Variants in COL6A6 observed in about 807,000 individuals in gnomAD.
COL6A6 encodes the protein collagen alpha-6(VI) chain.
In COL6A6, 183 loss-of-function variants were observed where a neutral mutation model predicts 208.6. The ratio of observed to expected loss-of-function variants is 0.88; its 90% confidence interval spans 0.78 to 0.99. The LOEUF is 0.99. Among genes scored for constraint, COL6A6 ranks in the 50% least tolerant of loss-of-function variants. The probability of loss-of-function intolerance (pLI) is 0.00; values close to 1 mark genes in which losing one functional copy is unlikely to be tolerated. For missense variants in COL6A6, 2,816 were observed against 2,815.2 expected (o/e 1.00, Z -0.01); for synonymous variants, 973 against 1,011.8 (o/e 0.96, Z 0.73).
At chr3:130,623,275 T>G (rs1406200662) in intron 24 of COL6A6, among the ~76,000 whole-genome samples, 2 of 152,068 alleles carry the variant, frequency 1.3e-5, no homozygotes, top group Non-Finnish European at 2.9e-5. Flanking sequence ...CTGGCCAACA[T>G]GGTGAAACCC....
intron 15 of COL6A6, among the ~76,000 whole-genome samples, 161 bp downstream of exon 15, chr3:130,592,883 G>A (rs1474789825): frequency 6.6e-6 from 1 of 151,706 alleles, no homozygotes; most frequent in Non-Finnish European, 1.5e-5. Context: ...TTCATTATAG[G>A]CAATACATAT....
chr3:130,578,607 A>G (rs1217874639), intron 8 of COL6A6, among the ~76,000 whole-genome samples: 1 of 152,182 alleles, frequency 6.6e-6, no homozygotes, highest in African/African-American at 2.4e-5. Flanking sequence ...CAGCAGAGGG[A>G]ATAAAAGAGA....
intron 12 of COL6A6, 58 bp from the exon 13 acceptor site, chr3:130,590,983 G>A (rs1011644639): frequency 1.5e-6 from 2 of 1,328,298 alleles, no homozygotes; most frequent in Non-Finnish European, 1.1e-6. Context: ...ATTTGGTTTG[G>A]TTACCTCTGA....
intron 1 of COL6A6, among the ~76,000 whole-genome samples, chr3:130,522,247 TGTATC>T (rs1467963136): frequency 1.3e-5 from 2 of 152,180 alleles, no homozygotes; most frequent in African/African-American, 2.4e-5. Context: ...TTGTTTAACT[TGTATC>T]TTATTGGTCA....
intron 11 of COL6A6, among the ~76,000 whole-genome samples, chr3:130,588,804 G>C (rs2063602473): frequency 6.6e-6 from 1 of 151,002 alleles, no homozygotes; most frequent in Non-Finnish European, 1.5e-5. Context: ...TTGGCATGCA[G>C]TCAGTTTGCC....
rs2066043932 is a variant in COL6A6, at chr3:130,665,176, T to G, written c.6596+80T>G. The G allele has an allele frequency of 1.0e-5, 9 of 891,944 alleles. No homozygotes were observed. In the South Asian group the frequency reaches 1.5e-4, roughly 15 times the overall value. 55.3% of individuals were successfully genotyped at this position (891,944 alleles called of 1,614,324 possible). A position where few individuals can be genotyped will look rare whatever the true frequency, so the allele number is the denominator to read the frequency against. Reference sequence around the variant, plus strand: ...ATTTTCCTCCTCCTCCTTTTCTTGCTTTTCTTCCTCCTCCATCTTATTTGG... The same window carrying G: ...ATTTTCCTCCTCCTCCTTTTCTTGCGTTTCTTCCTCCTCCATCTTATTTGG... On this transcript the variant is annotated intron_variant, in intron 36 of 36. Transcript: ENST00000358511.
At chr3:130,602,441 C>T (rs1156427248) in intron 20 of COL6A6, among the ~76,000 whole-genome samples, 1 of 152,080 alleles carries the variant, frequency 6.6e-6, no homozygotes, top group Non-Finnish European at 1.5e-5. Flanking sequence ...GAAAGAAAAC[C>T]ATGGGCAAAG....
chr3:130,548,356 C>A (rs1439063074), intron 1 of COL6A6, among the ~76,000 whole-genome samples: 1 of 152,144 alleles, frequency 6.6e-6, no homozygotes, highest in Non-Finnish European at 1.5e-5. Flanking sequence ...GTTTTTTGGA[C>A]TATGAATTCC....
At chr3:130,656,573 A>G (rs75680793) in intron 33 of COL6A6, among the ~76,000 whole-genome samples, 3,223 of 152,304 alleles carry the variant, frequency 0.021, 100 homozygotes, top group East Asian at 0.1. Context: ...AAAAAGCACC[A>G]TAAGTTCCCA....
At chr3:130,578,848 G>A (rs563569486) in intron 8 of COL6A6, among the ~76,000 whole-genome samples, 2 of 152,308 alleles carry the variant, frequency 1.3e-5, no homozygotes, top group African/African-American at 2.4e-5. Context: ...GTTCTGCAGT[G>A]AGCATGGTGG....
intron 26 of COL6A6, among the ~76,000 whole-genome samples, chr3:130,634,220 AAT>A (rs1576363416): frequency 3.0e-5 from 4 of 134,602 alleles, no homozygotes; most frequent in East Asian, 5.0e-4. Flanking sequence ...AAAATAAATA[AAT>A]AAATAAATAA....
At chr3:130,526,709 G>T (rs908872037) in intron 1 of COL6A6, among the ~76,000 whole-genome samples, 2 of 152,076 alleles carry the variant, frequency 1.3e-5, no homozygotes, top group Non-Finnish European at 2.9e-5. Context: ...AGAAGTTTCA[G>T]AGAAACCTCT....
rs1305583881 is a variant in COL6A6, at chr3:130,542,088, GT to G, written c.-31-18236del. The stretch of plus-strand genomic sequence containing the variant: ...TGGCTAAAGGCTTATCAATTTTATT[GT>G]TTTTTTTTTCTTTTTCAGGGAACCA... On this transcript the variant is annotated intron_variant, in intron 1 of 36. Transcript: ENST00000358511. 7.2e-5 allele frequency among the ~76,000 whole-genome samples: 10 copies of G among 139,684 alleles called. No individual in the cohort carries two copies. The East Asian group carries it at 8.6e-4, about 12-fold the overall frequency. The allele number at this position is 139,684 out of a possible 152,430, so 91.6% of individuals were successfully genotyped here. A position where few individuals can be genotyped will look rare whatever the true frequency, so the allele number is the denominator to read the frequency against.
intron 28 of COL6A6, among the ~76,000 whole-genome samples, chr3:130,637,607 TA>T (rs1576373477): frequency 6.6e-6 from 1 of 152,192 alleles, no homozygotes; most frequent in African/African-American, 2.4e-5. Context: ...GTTTTCCCTC[TA>T]AAAGAGCTGA....
At chr3:130,523,086 GCCTTCTTATTTTGTT>G (rs1711168434) in intron 1 of COL6A6, among the ~76,000 whole-genome samples, 1 of 152,068 alleles carries the variant, frequency 6.6e-6, no homozygotes, top group East Asian at 1.9e-4. Context: ...TCTGCATCAT[GCCTTCTTATTTTGTT>G]CCCACTACTC....
intron 20 of COL6A6, 94 bp downstream of exon 20, chr3:130,599,904 G>A: frequency 8.6e-7 from 1 of 1,168,328 alleles, no homozygotes; most frequent in Non-Finnish European, 1.3e-6. Context: ...GGATGGTTCT[G>A]CTGGAGCTCA....
At chr3:130,546,301 AC>A (rs1329255788) in intron 1 of COL6A6, among the ~76,000 whole-genome samples, 1 of 151,004 alleles carries the variant, frequency 6.6e-6, no homozygotes, top group Admixed American at 6.6e-5. Context: ...GATGAGTGTT[AC>A]AGCTCTTAAG....
intron 8 of COL6A6, among the ~76,000 whole-genome samples, chr3:130,575,428 A>C (rs1457373083): frequency 6.6e-6 from 1 of 152,236 alleles, no homozygotes; most frequent in Non-Finnish European, 1.5e-5. Context: ...TAAATTTATG[A>C]ATGGGAGCTA....
chr3:130,573,296 G>A (rs571079513), intron 7 of COL6A6, among the ~76,000 whole-genome samples: 2 of 152,188 alleles, frequency 1.3e-5, no homozygotes, highest in South Asian at 2.1e-4. Context: ...TATTGTCACC[G>A]GGCTTTCTGG....
Sources: gnomAD v4.1 joint callset for allele counts (sites outside exome capture counted in the v4.1 genomes callset) on GRCh38, gnomAD v4.1.1 for gene constraint, MANE v1.5 for transcripts, NCBI Gene and HGNC (gene_info 2026-07-23, HGNC 2026-07-21) for gene names.